Variants in FRMD4B observed in about 807,000 individuals in gnomAD.
The protein encoded by FRMD4B is FERM domain-containing protein 4B.
A neutral mutation model predicts 141.5 loss-of-function variants in FRMD4B; 74 were observed. The observed-to-expected ratio is 0.52, with a 90% confidence interval of 0.43 to 0.63. The LOEUF is 0.63. Ranked by LOEUF, FRMD4B falls within the 30% of genes least tolerant of loss-of-function variation. The pLI is 0.00. For missense variants in FRMD4B, 1,366 were observed against 1,253.4 expected, an observed-to-expected ratio of 1.09 and a Z score of -1.36; for synonymous variants, 506 against 467.9, an observed-to-expected ratio of 1.08 and a Z score of -1.05.
At chr3:69,231,971 C>T (rs147654449) in intron 7 of FRMD4B, among the ~76,000 whole-genome samples, 2 of 152,272 alleles carry the variant, frequency 1.3e-5, no homozygotes, top group African/African-American at 4.8e-5. Context: ...ATCTACGGAG[C>T]TTGTAGGAGC....
intron 2 of FRMD4B, among the ~76,000 whole-genome samples, chr3:69,407,219 A>C (rs1434480719): frequency 6.6e-6 from 1 of 152,230 alleles, no homozygotes; most frequent in Non-Finnish European, 1.5e-5. Flanking sequence ...TCTTTTACTG[A>C]ATGTAAATTC....
chr3:69,508,173 T>C (rs1478780352), intron 1 of FRMD4B, among the ~76,000 whole-genome samples: 1 of 152,234 alleles, frequency 6.6e-6, no homozygotes, highest in Non-Finnish European at 1.5e-5. Context: ...CTCCCTCTTC[T>C]TTTTTGTTTC....
At chr3:69,373,040 T>C (rs1353302974) in intron 1 of FRMD4B, among the ~76,000 whole-genome samples, 1 of 152,166 alleles carries the variant, frequency 6.6e-6, no homozygotes, top group Admixed American at 6.5e-5. Context: ...AACACCTCCA[T>C]GATTTGACTT....
intron 1 of FRMD4B, among the ~76,000 whole-genome samples, chr3:69,480,870 G>A (rs1355405019): frequency 2.0e-5 from 3 of 152,318 alleles, no homozygotes; most frequent in African/African-American, 7.2e-5. Context: ...CACCCAGTTC[G>A]AGCTTCCTGG....
chr3:69,484,610 C>A (rs1410643686), intron 1 of FRMD4B, among the ~76,000 whole-genome samples: 1 of 152,126 alleles, frequency 6.6e-6, no homozygotes, highest in Non-Finnish European at 1.5e-5. Context: ...AGAGGAGTCC[C>A]TGGAGAGGGT....
intron 1 of FRMD4B, chr3:69,336,418 T>C (rs1702553411): frequency 6.6e-6 from 1 of 152,204 alleles, no homozygotes; most frequent in Non-Finnish European, 1.5e-5. Flanking sequence ...GTATGGAGTT[T>C]GTTTCAGATG....
chr3:69,351,412 T>C (rs7433121), intron 1 of FRMD4B, among the ~76,000 whole-genome samples: 4 of 152,292 alleles, frequency 2.6e-5, no homozygotes, highest in South Asian at 2.1e-4. Flanking sequence ...CAAAATATTT[T>C]TGAAACAAAG....
At chr3:69,423,728 C>T (rs1313907139) in intron 2 of FRMD4B, among the ~76,000 whole-genome samples, 1 of 152,098 alleles carries the variant, frequency 6.6e-6, no homozygotes, top group Non-Finnish European at 1.5e-5. Context: ...AGAGAGCTGC[C>T]TTACCCCTTC....
chr3:69,507,923 C>T (rs555214381), intron 1 of FRMD4B, among the ~76,000 whole-genome samples: 36 of 152,100 alleles, frequency 2.4e-4, no homozygotes, highest in Admixed American at 1.2e-3. Flanking sequence ...AAAGAGGTTT[C>T]GGGTTATATG....
At chr3:69,341,363 C>G (rs1702732792) in intron 1 of FRMD4B, among the ~76,000 whole-genome samples, 3 of 152,162 alleles carry the variant, frequency 2.0e-5, no homozygotes, top group Non-Finnish European at 4.4e-5. Context: ...CTTTCAGGTC[C>G]CACTAGAGTG....
chr3:69,176,996 T>C (rs750872225), intron 21 of FRMD4B, among the ~76,000 whole-genome samples: 39 of 152,200 alleles, frequency 2.6e-4, no homozygotes, highest in Non-Finnish European at 4.4e-4. Context: ...TTAATATTAT[T>C]ATTGAGAATA....
intron 13 of FRMD4B, chr3:69,196,669 G>A: frequency 1.7e-6 from 1 of 582,216 alleles, no homozygotes; most frequent in South Asian, 2.2e-5. Context: ...AGTGTCACCA[G>A]TATATACAAA....
At chr3:69,182,488 G>A in intron 20 of FRMD4B, 110 bp downstream of exon 20, 1 of 983,972 alleles carries the variant, frequency 1.0e-6, no homozygotes, top group South Asian at 2.1e-5. Context: ...CATAAAACAA[G>A]GTCCTGCTAC....
At chr3:69,253,181 C>CTTTTTTTTTTTTTTTTT (rs781662739) in intron 5 of FRMD4B, among the ~76,000 whole-genome samples, 2 of 121,952 alleles carry the variant, frequency 1.6e-5, no homozygotes, top group African/African-American at 3.1e-5. Context: ...AATATGATTC[C>CTTTTTTTTTTTTTTTTT]TATTTTTTTT....
chr3:69,334,224 G>T (rs1280305572), intron 1 of FRMD4B: 2 of 152,176 alleles, frequency 1.3e-5, no homozygotes, highest in Non-Finnish European at 2.9e-5. Flanking sequence ...TTGAGCCCCA[G>T]TTTCTTCATT....
chr3:69,175,086 T>C (rs2092628934), intron 22 of FRMD4B, among the ~76,000 whole-genome samples: 1 of 152,186 alleles, frequency 6.6e-6, no homozygotes, highest in African/African-American at 2.4e-5. Flanking sequence ...AAAAAGGCAT[T>C]TGGGGCTGAA....
intron 1 of FRMD4B, among the ~76,000 whole-genome samples, chr3:69,341,190 G>T (rs1226296558): frequency 1.3e-5 from 2 of 152,098 alleles, no homozygotes; most frequent in African/African-American, 4.8e-5. Flanking sequence ...TAATGAAGAG[G>T]GCTGTTTGCA....
chr3:69,230,295 C>T (rs1013885311), intron 7 of FRMD4B, among the ~76,000 whole-genome samples: 8 of 152,094 alleles, frequency 5.3e-5, no homozygotes, highest in Admixed American at 1.3e-4. Flanking sequence ...CTTTAAAACT[C>T]CAACAAGGTC....
intron 21 of FRMD4B, among the ~76,000 whole-genome samples, chr3:69,179,343 C>T (rs1178283150): frequency 6.6e-6 from 1 of 152,188 alleles, no homozygotes; most frequent in East Asian, 1.9e-4. Context: ...ACATGCATCT[C>T]AGCCCTCCTT....
Sources: allele counts gnomAD v4.1 joint callset (sites outside exome capture counted in the v4.1 genomes callset), GRCh38; gene constraint gnomAD v4.1.1; transcripts MANE v1.5; gene names NCBI Gene and HGNC (gene_info 2026-07-23, HGNC 2026-07-21).